Variants in RTF2 observed in about 807,000 individuals in gnomAD.
RTF2 encodes replication termination factor 2.
In RTF2, 18 loss-of-function variants were observed where a neutral mutation model predicts 38.0. That is an observed-to-expected ratio of 0.47 (90% CI 0.33 to 0.70). The LOEUF is 0.70. Among genes scored for constraint, RTF2 ranks in the 30% least tolerant of loss-of-function variants. The pLI is 0.02. For synonymous variants in RTF2, 126 were observed against 137.1 expected (o/e 0.92, Z 0.57); for missense variants, 311 against 379.6 (o/e 0.82, Z 1.50).
intron 1 of RTF2, chr20:56,470,735 TCCATCATG>T: frequency 2.2e-6 from 1 of 453,120 alleles, no homozygotes; most frequent in Non-Finnish European, 4.5e-6. Flanking sequence ...GAGTTAATAA[TCCATCATG>T]CCTACGTGGT....
Position 56,518,391 on chromosome 20 carries a change from C to A in RTF2, c.*126C>A. On this transcript the variant is annotated 3_prime_UTR_variant, in exon 9 of 9. Coordinates refer to ENST00000357348, the MANE Select transcript of RTF2 (RefSeq NM_016407.5). ...GTTCTGTGTCATAAAGCTGTCCTGG[C>A]CAGCCTTCAAGCTGGTGTGGCCACT... 2.0e-6 allele frequency: 2 copies of A among 1,002,840 alleles called. No homozygotes were observed. Among genetic ancestry groups the A allele is most frequent in the Non-Finnish European group, 2.9e-6 (2 of 699,642 alleles). 62.1% of individuals were successfully genotyped at this position (1,002,840 alleles called of 1,614,324 possible).
chr20:56,507,235 C>T (rs1935051099), intron 5 of RTF2, among the ~76,000 whole-genome samples: 1 of 152,110 alleles, frequency 6.6e-6, no homozygotes, highest in African/African-American at 2.4e-5. Context: ...TGCGGCAGCC[C>T]CACTCCCCAT....
chr20:56,489,671 G>A (rs1002670071), intron 5 of RTF2, among the ~76,000 whole-genome samples: 3 of 152,184 alleles, frequency 2.0e-5, no homozygotes, highest in Non-Finnish European at 4.4e-5. Flanking sequence ...GCTGGTGGGC[G>A]GATGCTTTTA....
chr20:56,478,791 G>C (rs574297447), intron 4 of RTF2, among the ~76,000 whole-genome samples: 53 of 152,234 alleles, frequency 3.5e-4, no homozygotes, highest in African/African-American at 1.2e-3. Flanking sequence ...AGATTTCTCT[G>C]TATGTAGCAT....
rs73289028 is a variant in RTF2 at position 56,488,921 on chromosome 20, C to T, written c.477+4732C>T. Among the ~76,000 whole-genome samples, 1,346 of 152,334 alleles carry T rather than the reference C, an allele frequency of 8.8e-3. 21 individuals carry two copies. Among genetic ancestry groups the T allele is most frequent in the African/African-American group, 0.031 (1,285 of 41,570 alleles). The stretch of plus-strand genomic sequence containing the variant: ...CTGCCTCTCAAGCCTCCCTGCCTCT[C>T]GGCCTCCCCACCTCTCTGACTCTTG... On this transcript the variant is annotated intron_variant, in intron 5 of 8. Transcript: ENST00000357348.
At chr20:56,484,502 G>A (rs141386063) in intron 5 of RTF2, among the ~76,000 whole-genome samples, 33 of 152,234 alleles carry the variant, frequency 2.2e-4, no homozygotes, top group Admixed American at 5.9e-4. Context: ...TACTTCTTCC[G>A]TGACTCCCTG....
intron 7 of RTF2, 43 bp downstream of exon 7, chr20:56,517,032 C>G (rs376559631): frequency 5.1e-5 from 82 of 1,605,454 alleles, no homozygotes; most frequent in Non-Finnish European, 4.4e-5. Context: ...AAATGCGACT[C>G]TAGGGCAGTC....
chr20:56,513,292 C>A, intron 5 of RTF2, 23 bp from the exon 6 acceptor site: 1 of 1,572,698 alleles, frequency 6.4e-7, no homozygotes, highest in South Asian at 1.2e-5. Flanking sequence ...TGGAATCTGC[C>A]CTCTCTTGTT....
rs150991888 is a variant in RTF2 at position 56,473,303 on chromosome 20, C to T, written c.72C>T (p.Val24=). The change falls in exon 2 of 9, where the codon GTC becomes GTT. Residue 24 remains valine, a splice_region_variant and synonymous_variant. Transcript: ENST00000357348. ...TTGAATTTTTTGTTTTTTATTAGGT[C>T]GACAAAGATGCTGAATTAGTGGCCC... ...LVKGPKKVEK[V]DKDAELVAQW... 29 of 1,611,384 alleles carry T rather than the reference C, an allele frequency of 1.8e-5. No individual in the cohort carries two copies. The African/African-American group carries it at 2.3e-4, about 13-fold the overall frequency.
At chr20:56,507,976 A>G (rs1052364560) in intron 5 of RTF2, among the ~76,000 whole-genome samples, 1 of 152,206 alleles carries the variant, frequency 6.6e-6, no homozygotes, top group African/African-American at 2.4e-5. Context: ...CCAGCTCTCT[A>G]CAGTGATGGC....
At chr20:56,482,341 CA>C (rs940452695) in intron 4 of RTF2, among the ~76,000 whole-genome samples, 38 of 152,256 alleles carry the variant, frequency 2.5e-4, no homozygotes, top group Middle Eastern at 3.4e-3. Context: ...ATACCTAATA[CA>C]ATATAAATGC....
rs563600541 is a variant in RTF2, at chr20:56,513,415, C to T, written c.578C>T (p.Ala193Val). The T allele has an allele frequency of 2.3e-5, 37 of 1,597,486 alleles. No homozygotes were observed. Among genetic ancestry groups the T allele is most frequent in the South Asian group, 4.6e-5 (4 of 87,880 alleles). Residue 193 changes from alanine to valine, a missense_variant, in exon 6 of 9, where the codon GCG becomes GTG. Physicochemically the swap from Ala to Val is moderately conservative, Grantham distance 64. Coordinates refer to ENST00000357348, the MANE Select transcript of RTF2 (RefSeq NM_016407.5). ...AGGATGGAGGAGAGAAGGCTGAGAG[C>T]GAAGCTGGAAAAGGTAATGGGAGTC... ...KTRMEERRLR[A>V]KLEKKTKKPK...
At chr20:56,501,841 C>T (rs1052535313) in intron 5 of RTF2, among the ~76,000 whole-genome samples, 6 of 152,138 alleles carry the variant, frequency 3.9e-5, no homozygotes, top group African/African-American at 1.4e-4. Context: ...TGCACTCCAG[C>T]CTGGGCAACA....
chr20:56,473,942 CA>C (rs955401269), intron 2 of RTF2, among the ~76,000 whole-genome samples: 1 of 152,170 alleles, frequency 6.6e-6, no homozygotes, highest in Non-Finnish European at 1.5e-5. Flanking sequence ...ATGTGAGGAA[CA>C]GGAGAGAATG....
intron 4 of RTF2, among the ~76,000 whole-genome samples, chr20:56,478,539 A>G (rs567847894): frequency 6.6e-6 from 1 of 152,198 alleles, no homozygotes; most frequent in African/African-American, 2.4e-5. Context: ...TTAAGTGTGC[A>G]ATAGCATTAT....
chr20:56,469,783 ATCT>A (rs3044252), intron 1 of RTF2, among the ~76,000 whole-genome samples: 62,128 of 151,698 alleles, frequency 0.41, 13,691 homozygotes, highest in East Asian at 0.93. Flanking sequence ...TTCTGACCTC[ATCT>A]TCTGCCCCTC....
At chr20:56,506,079 T>G (rs1220697202) in intron 5 of RTF2, among the ~76,000 whole-genome samples, 1 of 152,220 alleles carries the variant, frequency 6.6e-6, no homozygotes, top group Non-Finnish European at 1.5e-5. Flanking sequence ...GAGAACTGCT[T>G]GGCTTTAAAA....
chr20:56,491,614 T>A (rs780187050), intron 5 of RTF2: 2 of 1,551,882 alleles, frequency 1.3e-6, no homozygotes, highest in South Asian at 2.4e-5. Flanking sequence ...AGTGTGGCTC[T>A]ATAGGAACTT....
At chr20:56,487,459 C>G (rs773553563) in intron 5 of RTF2, among the ~76,000 whole-genome samples, 8 of 152,332 alleles carry the variant, frequency 5.3e-5, no homozygotes, top group Non-Finnish European at 1.2e-4. Flanking sequence ...CCTCCCGGCT[C>G]CTCGTGGAGG....
Sources: gnomAD v4.1 joint callset for allele counts (sites outside exome capture counted in the v4.1 genomes callset) on GRCh38, gnomAD v4.1.1 for gene constraint, MANE v1.5 for transcripts, NCBI Gene and HGNC (gene_info 2026-07-23, HGNC 2026-07-21) for gene names.